EYS: variants seen among roughly 807,000 people sequenced by gnomAD.
EYS encodes EGF-like photoreceptor maintenance factor, also known as protein eyes shut homolog.
EYS carries 250 observed loss-of-function variants against 282.1 expected under a neutral mutation model. The ratio of observed to expected loss-of-function variants is 0.89; its 90% CI spans 0.80 to 0.98. The LOEUF is 0.98. EYS is among the 50% of genes least tolerant of loss of function. EYS has a pLI of 0.00. For missense variants in EYS, 4,016 were observed against 3,709.0 expected, an observed-to-expected ratio of 1.08 and a Z score of -2.15; for synonymous variants, 1,355 against 1,282.9, an observed-to-expected ratio of 1.06 and a Z score of -1.20.
chr6:63,951,048 G>C (rs931767785), intron 35 of EYS, among the ~76,000 whole-genome samples: 1 of 151,956 alleles, frequency 6.6e-6, no homozygotes, highest in Non-Finnish European at 1.5e-5. Flanking sequence ...TTAGTGTCAA[G>C]CACCACTTTC....
chr6:65,264,634 A>C (rs563283286), intron 12 of EYS, among the ~76,000 whole-genome samples: 1 of 152,078 alleles, frequency 6.6e-6, no homozygotes, highest in Non-Finnish European at 1.5e-5. Context: ...GTGATTTAAT[A>C]AAAAGGTATG....
chr6:64,643,751 G>A (rs1308999585), intron 22 of EYS, among the ~76,000 whole-genome samples: 1 of 152,302 alleles, frequency 6.6e-6, no homozygotes, highest in South Asian at 2.1e-4. Context: ...TTTTATAAGG[G>A]AGAGTTTCCT....
chr6:64,667,756 C>T (rs371738007), intron 22 of EYS, among the ~76,000 whole-genome samples: 21 of 152,040 alleles, frequency 1.4e-4, no homozygotes, highest in African/African-American at 4.8e-4. Flanking sequence ...ATTGAAAATA[C>T]ATTGTGGTCA....
chr6:64,253,884 T>G lies in EYS; in HGVS notation c.6192-23060A>C, dbSNP rs556602319. On this transcript the variant is annotated intron_variant, in intron 30 of 42. Coordinates refer to ENST00000503581, the MANE Select transcript of EYS (RefSeq NM_001142800.2). ...GGTATAGGGCTATCTTAACATGTCC[T>G]GTGTGGTGAAGCCATCAGTTGTGAC... 2.6e-5 allele frequency among the ~76,000 whole-genome samples: 4 copies of G among 152,290 alleles called. No homozygotes were observed. In the East Asian group the frequency reaches 7.7e-4, roughly 29 times the overall value.
intron 22 of EYS, among the ~76,000 whole-genome samples, chr6:64,664,094 C>T (rs1426349557): frequency 2.6e-5 from 4 of 152,124 alleles, no homozygotes; most frequent in Non-Finnish European, 5.9e-5. Context: ...TAGTGGTGGA[C>T]GGCGAGTGAT....
chr6:63,786,526 G>T (rs576346449), intron 39 of EYS, among the ~76,000 whole-genome samples: 162 of 151,094 alleles, frequency 1.1e-3, no homozygotes, highest in Non-Finnish European at 2.0e-3. Flanking sequence ...ACATACCGGG[G>T]CCTGTCAAGG....
intron 12 of EYS, among the ~76,000 whole-genome samples, chr6:65,182,899 C>T (rs567839765): frequency 6.6e-6 from 1 of 152,012 alleles, no homozygotes; most frequent in East Asian, 2.0e-4. Context: ...AGTGATCCTC[C>T]CACCCCAGCC....
chr6:65,664,104 T>G (rs1222069363), intron 1 of EYS, among the ~76,000 whole-genome samples: 1 of 152,028 alleles, frequency 6.6e-6, no homozygotes, highest in Non-Finnish European at 1.5e-5. Context: ...TCTCCTGACC[T>G]CGTGATCCGC....
At chr6:64,779,436 G>T (rs1773788524) in intron 22 of EYS, among the ~76,000 whole-genome samples, 1 of 151,994 alleles carries the variant, frequency 6.6e-6, no homozygotes, top group Admixed American at 6.6e-5. Context: ...ATTCTGGAAA[G>T]AAAAAACCAT....
intron 35 of EYS, among the ~76,000 whole-genome samples, chr6:63,967,877 T>C (rs1233959925): frequency 6.6e-6 from 1 of 152,172 alleles, no homozygotes; most frequent in African/African-American, 2.4e-5. Context: ...GGAGTAATCC[T>C]AGCTCGTATT....
intron 31 of EYS, among the ~76,000 whole-genome samples, chr6:64,112,097 A>T (rs143003570): frequency 6.6e-6 from 1 of 152,214 alleles, no homozygotes; most frequent in African/African-American, 2.4e-5. Context: ...ATTTCACCTG[A>T]AAATATGATA....
At chr6:65,698,170 G>C (rs553881274) in intron 1 of EYS, among the ~76,000 whole-genome samples, 1 of 152,190 alleles carries the variant, frequency 6.6e-6, no homozygotes. Context: ...TATACATAAA[G>C]AATAGTTGCC....
intron 29 of EYS, among the ~76,000 whole-genome samples, chr6:64,347,696 G>C (rs1771461909): frequency 6.6e-6 from 1 of 151,252 alleles, no homozygotes; most frequent in Non-Finnish European, 1.5e-5. Context: ...TCAAGCTCCA[G>C]CACATTGGTT....
rs189761247 is a variant in EYS at position 64,223,546 on chromosome 6, T to C, written c.6424+7046A>G. ...GGGACACATGCTGTGGTACATTTTC[T>C]GTATGGACCTTGTATTCTAGTTCTA... On this transcript the variant is annotated intron_variant, in intron 31 of 42. Coordinates refer to ENST00000503581, the MANE Select transcript of EYS (RefSeq NM_001142800.2). 2.4e-4 allele frequency among the ~76,000 whole-genome samples: 36 copies of C among 152,156 alleles called. 1 individual carries two copies. Among genetic ancestry groups the C allele is most frequent in the Admixed American group, 2.1e-3 (32 of 15,270 alleles).
At chr6:65,386,300 G>A (rs534470951) in intron 7 of EYS, among the ~76,000 whole-genome samples, 19 of 151,944 alleles carry the variant, frequency 1.3e-4, no homozygotes, top group Admixed American at 8.6e-4. Flanking sequence ...GAGGACTAAT[G>A]TGTACTAGGC....
At chr6:63,929,665 A>G (rs1764827901) in intron 35 of EYS, among the ~76,000 whole-genome samples, 1 of 152,202 alleles carries the variant, frequency 6.6e-6, no homozygotes, top group South Asian at 2.1e-4. Context: ...CTGTTTAATA[A>G]TTTAGCAAAG....
At position 64,508,561 on chromosome 6, in the gene EYS, T is replaced by TTAC. The variant is rs2150517179; in HGVS notation, c.5645-69210_5645-69209insGTA. Among the ~76,000 whole-genome samples the TTAC allele has an allele frequency of 2.1e-5, 3 of 144,168 alleles. No individual in the cohort carries two copies. In the South Asian group the frequency reaches 6.6e-4, roughly 32 times the overall value. 94.6% of individuals were successfully genotyped at this position (144,168 alleles called of 152,430 possible). A position where few individuals can be genotyped will look rare whatever the true frequency, so the allele number is the denominator to read the frequency against. On this transcript the variant is annotated intron_variant, in intron 26 of 42. Transcript: ENST00000503581. ...CTGCTTTTCTAAGTATTTATTATTATTATTATTATTATTATTATTATTATT... is the reference window on the plus strand; with the variant it reads ...CTGCTTTTCTAAGTATTTATTATTATTACTATTATTATTATTATTATTATTATT...
chr6:65,252,850 A>G (rs1343451944), intron 12 of EYS, among the ~76,000 whole-genome samples: 1 of 151,984 alleles, frequency 6.6e-6, no homozygotes, highest in Non-Finnish European at 1.5e-5. Context: ...TCAATTCAGA[A>G]TGAAGATGAC....
intron 35 of EYS, among the ~76,000 whole-genome samples, chr6:63,921,542 C>T (rs1206936085): frequency 1.4e-4 from 21 of 152,168 alleles, no homozygotes; most frequent in Non-Finnish European, 2.9e-4. Context: ...TGCTGGTTCA[C>T]ACTCCCGCTG....
Sources: allele counts gnomAD v4.1 joint callset (sites outside exome capture counted in the v4.1 genomes callset), GRCh38; gene constraint gnomAD v4.1.1; transcripts MANE v1.5; gene names NCBI Gene and HGNC (gene_info 2026-07-23, HGNC 2026-07-21).